GRM5: variants seen among roughly 807,000 people sequenced by gnomAD.
The protein encoded by GRM5 is metabotropic glutamate receptor 5.
In GRM5, 19 loss-of-function variants were observed where a neutral mutation model predicts 83.1. The ratio of observed to expected loss-of-function variants is 0.23; its 90% confidence interval spans 0.16 to 0.34. The LOEUF is 0.34. Ranked by LOEUF, GRM5 falls within the 10% of genes least tolerant of loss-of-function variation. The pLI, the probability that GRM5 is intolerant of heterozygous loss-of-function variation, is 1.00. For synonymous variants in GRM5, 675 were observed against 633.6 expected (o/e 1.07, Z -0.98); for missense variants, 1,160 against 1,588.3 (o/e 0.73, Z 4.58).
rs182965562 is a variant in GRM5 at position 89,020,498 on chromosome 11, C to A, written c.661+26714G>T. Among the ~76,000 whole-genome samples, 6 of 152,262 alleles carry A rather than the reference C, an allele frequency of 3.9e-5. 1 individual carries two copies. The highest frequency in any genetic ancestry group is 3.9e-4 in the Admixed American group (6 of 15,304). On this transcript the variant is annotated intron_variant, in intron 2 of 9. Transcript: ENST00000305447. ...ATTGCTAAAGATCAGTGGGTGCTGA[C>A]AGTCAGAGAATTAAAACTATAACAC...
At chr11:88,778,526 C>T (rs1038738282) in intron 3 of GRM5, among the ~76,000 whole-genome samples, 1 of 152,106 alleles carries the variant, frequency 6.6e-6, no homozygotes, top group Non-Finnish European at 1.5e-5. Flanking sequence ...AATCACCCGT[C>T]TTCTGCATCG....
At chr11:88,982,391 A>C (rs1939555190) in intron 2 of GRM5, among the ~76,000 whole-genome samples, 2 of 152,172 alleles carry the variant, frequency 1.3e-5, no homozygotes, top group Admixed American at 1.3e-4. Flanking sequence ...AGGAAGTAAT[A>C]ATTATCTATG....
At chr11:88,773,331 T>A (rs1360611876) in intron 3 of GRM5, among the ~76,000 whole-genome samples, 1 of 152,150 alleles carries the variant, frequency 6.6e-6, no homozygotes, top group Non-Finnish European at 1.5e-5. Flanking sequence ...GTTTGAGTTC[T>A]TTGTAGATTC....
intron 2 of GRM5, among the ~76,000 whole-genome samples, chr11:88,900,314 C>T (rs574171288): frequency 6.6e-6 from 1 of 152,292 alleles, no homozygotes; most frequent in East Asian, 1.9e-4. Context: ...GCACTCCTAT[C>T]ATGACCAGTT....
intron 4 of GRM5, among the ~76,000 whole-genome samples, chr11:88,622,095 T>TAC (rs1565158010): frequency 3.4e-4 from 2 of 5,848 alleles, no homozygotes; most frequent in Non-Finnish European, 8.9e-4. Context: ...ACAACACTAT[T>TAC]TTCAACCATG....
In GRM5 at chr11:88,904,677, C is replaced by A. The variant is rs539154600; in HGVS notation, c.662-54522G>T. Among the ~76,000 whole-genome samples, 27 of 152,134 alleles carry A rather than the reference C, an allele frequency of 1.8e-4. No individual in the cohort carries two copies. The East Asian group carries it at 4.6e-3, about 26-fold the overall frequency. ...CAGATACAATGTGTATCTTACATAA[C>A]CATTATATACATATTCCATCCTATA... On this transcript the variant is annotated intron_variant, in intron 2 of 9. Transcript: ENST00000305447.
intron 2 of GRM5, among the ~76,000 whole-genome samples, chr11:88,962,708 T>C (rs956695204): frequency 3.3e-5 from 5 of 152,120 alleles, no homozygotes; most frequent in African/African-American, 4.8e-5. Context: ...TAACCTACAG[T>C]ATCTTACAGT....
At chr11:88,751,265 A>G (rs1942268978) in intron 3 of GRM5, among the ~76,000 whole-genome samples, 1 of 152,148 alleles carries the variant, frequency 6.6e-6, no homozygotes, top group African/African-American at 2.4e-5. Flanking sequence ...AGAAAGGATA[A>G]GGTGCATATT....
chr11:88,930,010 A>T (rs1300226670), intron 2 of GRM5, among the ~76,000 whole-genome samples: 1 of 152,142 alleles, frequency 6.6e-6, no homozygotes, highest in Non-Finnish European at 1.5e-5. Flanking sequence ...AGGCAGAAAA[A>T]AACTGTCATC....
At chr11:88,703,970 A>G (rs1219114580) in intron 3 of GRM5, among the ~76,000 whole-genome samples, 1 of 151,982 alleles carries the variant, frequency 6.6e-6, no homozygotes, top group Non-Finnish European at 1.5e-5. Context: ...TTCTCATAGT[A>G]CTGGAGGCTA....
At chr11:88,541,735 A>G (rs989203385) in intron 8 of GRM5, among the ~76,000 whole-genome samples, 4 of 151,842 alleles carry the variant, frequency 2.6e-5, no homozygotes, top group African/African-American at 9.7e-5. Context: ...TACAGGATTG[A>G]TGTTTTATGT....
At chr11:88,861,411 C>A (rs1168064689) in intron 2 of GRM5, among the ~76,000 whole-genome samples, 1 of 152,058 alleles carries the variant, frequency 6.6e-6, no homozygotes, top group Non-Finnish European at 1.5e-5. Flanking sequence ...TCCTACCCAT[C>A]CTTCAAGAGT....
chr11:88,843,844 T>C (rs1944250814), intron 3 of GRM5, among the ~76,000 whole-genome samples: 1 of 152,206 alleles, frequency 6.6e-6, no homozygotes, highest in South Asian at 2.1e-4. Flanking sequence ...CACAACATTC[T>C]TGTAAACCAA....
intron 8 of GRM5, among the ~76,000 whole-genome samples, chr11:88,562,501 T>G (rs1942780644): frequency 6.6e-6 from 1 of 152,122 alleles, no homozygotes; most frequent in Non-Finnish European, 1.5e-5. Context: ...AATGTTAGAC[T>G]AGTTATACAT....
intron 3 of GRM5, among the ~76,000 whole-genome samples, chr11:88,657,266 A>G (rs1939787526): frequency 6.6e-6 from 1 of 152,172 alleles, no homozygotes; most frequent in Non-Finnish European, 1.5e-5. Context: ...CTGCATGTTT[A>G]TAGAACATTA....
In GRM5 at chr11:89,048,014, C is replaced by A. The variant is rs1193209606; in HGVS notation, c.-142G>T. 1 of 633,388 alleles carries A rather than the reference C, an allele frequency of 1.6e-6. No individual in the cohort carries two copies. Among genetic ancestry groups the A allele is most frequent in the Non-Finnish European group, 2.8e-6 (1 of 363,160 alleles). The allele number at this position is 633,388 out of a possible 1,614,324, so 39.2% of individuals were successfully genotyped here. ...CAATTCAGATGTATTTTCTAAAGGACCATTTTGTCCCCATGTACCATTTAG... is the reference window on the plus strand; with the variant it reads ...CAATTCAGATGTATTTTCTAAAGGAACATTTTGTCCCCATGTACCATTTAG... On this transcript the variant is annotated 5_prime_UTR_variant, in exon 2 of 10. Coordinates refer to ENST00000305447, the MANE Select transcript of GRM5 (RefSeq NM_001143831.3).
intron 3 of GRM5, among the ~76,000 whole-genome samples, chr11:88,681,230 G>A (rs1940477268): frequency 6.6e-6 from 1 of 151,996 alleles, no homozygotes; most frequent in Non-Finnish European, 1.5e-5. Flanking sequence ...CCCCTCCTGA[G>A]TTATATTTCT....
At chr11:88,830,828 A>G (rs2135519398) in intron 3 of GRM5, among the ~76,000 whole-genome samples, 1 of 152,256 alleles carries the variant, frequency 6.6e-6, no homozygotes, top group South Asian at 2.1e-4. Context: ...TTGCAGTTCC[A>G]CGTGCCTGGG....
At chr11:88,575,667 C>T (rs1943094948) in intron 7 of GRM5, among the ~76,000 whole-genome samples, 1 of 152,188 alleles carries the variant, frequency 6.6e-6, no homozygotes, top group Non-Finnish European at 1.5e-5. Context: ...CTTAGAGTTG[C>T]TGCCAGAGAC....
Sources: allele counts gnomAD v4.1 joint callset (sites outside exome capture counted in the v4.1 genomes callset), GRCh38; gene constraint gnomAD v4.1.1; transcripts MANE v1.5; gene names NCBI Gene and HGNC (gene_info 2026-07-23, HGNC 2026-07-21).